GSG1L: variants seen among roughly 807,000 people sequenced by gnomAD.
GSG1L encodes the protein germ cell-specific gene 1-like protein.
GSG1L carries 24 observed loss-of-function variants against 42.1 expected under a neutral mutation model. That is an observed-to-expected ratio of 0.57 (90% confidence interval 0.41 to 0.80). The LOEUF (loss-of-function observed/expected upper bound fraction) is 0.80. Ranked by LOEUF, GSG1L falls within the 30% of genes least tolerant of loss-of-function variation. The pLI is 0.00. For synonymous variants in GSG1L, 215 were observed against 203.5 expected (o/e 1.06, Z -0.48); for missense variants, 445 against 472.2 (o/e 0.94, Z 0.53).
intron 1 of GSG1L, among the ~76,000 whole-genome samples, chr16:27,994,826 C>A (rs2085496537): frequency 6.6e-6 from 1 of 152,172 alleles, no homozygotes; most frequent in Non-Finnish European, 1.5e-5. Flanking sequence ...GGTCACAGGG[C>A]CACGACATTG....
intron 2 of GSG1L, among the ~76,000 whole-genome samples, chr16:27,930,803 C>A (rs1374976380): frequency 6.6e-6 from 1 of 152,210 alleles, no homozygotes; most frequent in Non-Finnish European, 1.5e-5. Context: ...TAGCTCACTG[C>A]AGTCTCAAAC....
intron 6 of GSG1L, among the ~76,000 whole-genome samples, chr16:27,801,996 TCA>T (rs1282753800): frequency 3.3e-5 from 5 of 152,144 alleles, no homozygotes; most frequent in African/African-American, 1.2e-4. Context: ...GCAGGTATCA[TCA>T]TGATAGCCCT....
At position 27,973,358 on chromosome 16, in the gene GSG1L, C is replaced by A. The variant is rs1225246790; in HGVS notation, c.350-10155G>T. Among the ~76,000 whole-genome samples the A allele has an allele frequency of 3.6e-5, 5 of 137,884 alleles. No homozygotes were observed. The Admixed American group carries it at 4.1e-4, about 11-fold the overall frequency. 90.5% of individuals were successfully genotyped at this position (137,884 alleles called of 152,430 possible). On this transcript the variant is annotated intron_variant, in intron 1 of 6. Transcript: ENST00000447459. ...CCAGCTACTCAGGAGGCAGGAGAAT[C>A]ACTTGAACCCCGGAGGTGGAGGTTG...
At chr16:27,982,233 A>G (rs911598784) in intron 1 of GSG1L, among the ~76,000 whole-genome samples, 2 of 152,228 alleles carry the variant, frequency 1.3e-5, no homozygotes, top group East Asian at 1.9e-4. Context: ...CAATGTGGTG[A>G]CACGCACCTG....
At chr16:27,857,055 T>C (rs1420880346) in intron 3 of GSG1L, among the ~76,000 whole-genome samples, 1 of 152,124 alleles carries the variant, frequency 6.6e-6, no homozygotes, top group Non-Finnish European at 1.5e-5. Context: ...TGGCTCAACT[T>C]TGGGGGCCCA....
chr16:27,853,445 A>G (rs1162524982), intron 3 of GSG1L, among the ~76,000 whole-genome samples: 1 of 152,140 alleles, frequency 6.6e-6, no homozygotes, highest in African/African-American at 2.4e-5. Flanking sequence ...TCCCGCTCCA[A>G]TTTAAGCTAA....
intron 1 of GSG1L, among the ~76,000 whole-genome samples, chr16:28,042,281 C>A (rs930336626): frequency 6.6e-6 from 1 of 151,900 alleles, no homozygotes; most frequent in Non-Finnish European, 1.5e-5. Flanking sequence ...ACTAAAAGTA[C>A]AAAAATTAGT....
intron 2 of GSG1L, among the ~76,000 whole-genome samples, chr16:27,900,947 A>T (rs543762129): frequency 3.9e-5 from 6 of 151,994 alleles, no homozygotes; most frequent in Non-Finnish European, 7.4e-5. Context: ...GGCCAAAATG[A>T]TGAAACCCTG....
intron 2 of GSG1L, among the ~76,000 whole-genome samples, chr16:27,960,451 A>G (rs182378191): frequency 8.5e-5 from 13 of 152,310 alleles, no homozygotes; most frequent in African/African-American, 3.1e-4. Flanking sequence ...GCAGACCAGA[A>G]AGATGCCAGG....
chr16:27,936,861 C>T (rs961352779), intron 2 of GSG1L, among the ~76,000 whole-genome samples: 4 of 152,224 alleles, frequency 2.6e-5, no homozygotes, highest in Non-Finnish European at 4.4e-5. Flanking sequence ...CCAACACTAC[C>T]CTCCAGCTCA....
chr16:27,883,715 C>A (rs1265993194), intron 3 of GSG1L, among the ~76,000 whole-genome samples: 2 of 152,210 alleles, frequency 1.3e-5, no homozygotes, highest in Non-Finnish European at 2.9e-5. Flanking sequence ...GTCTGCCAGG[C>A]CTCCTGATGT....
At position 28,026,478 on chromosome 16, in the gene GSG1L, G is replaced by A. The variant is rs566005564; in HGVS notation, c.349+36598C>T. Among the ~76,000 whole-genome samples the A allele has an allele frequency of 1.4e-4, 22 of 152,320 alleles. No homozygotes were observed. The South Asian group carries it at 4.1e-3, about 29-fold the overall frequency. On this transcript the variant is annotated intron_variant, in intron 1 of 6. Coordinates refer to ENST00000447459, the MANE Select transcript of GSG1L (RefSeq NM_001109763.2). ...TCGGGAAGAGGATCAGGGTGTGCAC[G>A]AGTCGGCTTTCGCTGCCAGAACAGA... is the stretch of plus-strand genomic sequence containing the variant.
chr16:27,839,423 AC>A (rs1442280121), intron 4 of GSG1L, among the ~76,000 whole-genome samples: 2 of 152,056 alleles, frequency 1.3e-5, no homozygotes, highest in Non-Finnish European at 2.9e-5. Context: ...TAAGAGGAGA[AC>A]TTTTTCCATT....
chr16:28,014,462 T>C (rs1343769697), intron 1 of GSG1L, among the ~76,000 whole-genome samples: 3 of 151,908 alleles, frequency 2.0e-5, no homozygotes, highest in African/African-American at 7.3e-5. Context: ...CAGACTAAAC[T>C]GAAGAGTGGG....
intron 1 of GSG1L, among the ~76,000 whole-genome samples, chr16:28,019,902 G>T (rs1406852585): frequency 2.0e-5 from 3 of 152,136 alleles, no homozygotes; most frequent in Non-Finnish European, 4.4e-5. Context: ...CCAAGGTCAG[G>T]GGTCAGCTGC....
chr16:27,917,862 T>C (rs1342466130), intron 2 of GSG1L, among the ~76,000 whole-genome samples: 1 of 152,100 alleles, frequency 6.6e-6, no homozygotes, highest in Non-Finnish European at 1.5e-5. Flanking sequence ...TTTGGCTCCA[T>C]CTTCCATGCT....
At chr16:27,942,440 G>A (rs538415285) in intron 2 of GSG1L, among the ~76,000 whole-genome samples, 13 of 109,412 alleles carry the variant, frequency 1.2e-4, no homozygotes, top group South Asian at 8.7e-4. Flanking sequence ...GTGAGCCACC[G>A]CACCTGGCCA....
intron 2 of GSG1L, among the ~76,000 whole-genome samples, chr16:27,951,467 A>G (rs1052697802): frequency 2.0e-5 from 3 of 152,080 alleles, no homozygotes; most frequent in Non-Finnish European, 4.4e-5. Context: ...GTCCCTCGGG[A>G]GCATCGAGTG....
At chr16:27,871,368 G>A (rs925002764) in intron 3 of GSG1L, among the ~76,000 whole-genome samples, 10 of 152,306 alleles carry the variant, frequency 6.6e-5, no homozygotes, top group South Asian at 2.1e-4. Context: ...GGGGCCGGGC[G>A]CAGTGGCTCA....
Sources: allele counts gnomAD v4.1 joint callset (sites outside exome capture counted in the v4.1 genomes callset), GRCh38; gene constraint gnomAD v4.1.1; transcripts MANE v1.5; gene names NCBI Gene and HGNC (gene_info 2026-07-23, HGNC 2026-07-21).